The following SLC6A11 variants were observed in gnomAD, a reference collection of about 807,000 sequenced individuals.
The protein encoded by SLC6A11 is sodium- and chloride-dependent GABA transporter 3.
A neutral mutation model predicts 74.8 loss-of-function variants in SLC6A11; 25 were observed. That is an observed-to-expected ratio of 0.33 (90% CI 0.24 to 0.47). The LOEUF (loss-of-function observed/expected upper bound fraction) is 0.47. SLC6A11 is among the 20% of genes least tolerant of loss of function. The probability of loss-of-function intolerance (pLI) is 1.00; values close to 1 mark genes in which losing one functional copy is unlikely to be tolerated. For synonymous variants in SLC6A11, 330 were observed against 330.2 expected (o/e 1.00, Z 0.01); for missense variants, 574 against 837.0 (o/e 0.69, Z 3.88).
intron 5 of SLC6A11, among the ~76,000 whole-genome samples, chr3:10,871,892 A>G (rs1489088481): frequency 6.6e-6 from 1 of 152,220 alleles, no homozygotes; most frequent in Non-Finnish European, 1.5e-5. Flanking sequence ...GGAGGTTACC[A>G]TCATTGCAGA....
At chr3:10,845,717 T>A (rs1056581238) in intron 5 of SLC6A11, among the ~76,000 whole-genome samples, 1 of 152,214 alleles carries the variant, frequency 6.6e-6, no homozygotes, top group African/African-American at 2.4e-5. Context: ...GCCACACAGA[T>A]GCAGAGGGAC....
Position 10,918,504 on chromosome 3 carries a change from T to C in SLC6A11, c.1120+51T>C, listed in dbSNP as rs1394542058. 1 of 1,562,110 alleles carries C rather than the reference T, an allele frequency of 6.4e-7. No homozygotes were observed. The highest frequency in any genetic ancestry group is 2.0e-5 in the Admixed American group (1 of 49,424). ...AAAAGGCGGCAAGGGAGGCCAGGAG[T>C]GATGGTCATCATGGAAATGCGATCT... On this transcript the variant is annotated intron_variant, in intron 8 of 13. Transcript: ENST00000254488. The surrounding 1 kb of genome is among the most constrained non-coding windows in gnomAD (Gnocchi z 4.5).
chr3:10,925,468 A>T (rs1158158264), intron 8 of SLC6A11, among the ~76,000 whole-genome samples: 1 of 151,938 alleles, frequency 6.6e-6, no homozygotes, highest in Non-Finnish European at 1.5e-5. Context: ...CATCCCGAGG[A>T]CACGTTAACC....
chr3:10,849,611 AAT>A (rs1694546963), intron 5 of SLC6A11, among the ~76,000 whole-genome samples: 1 of 152,232 alleles, frequency 6.6e-6, no homozygotes, highest in East Asian at 1.9e-4. Context: ...TTGCCCTTAG[AAT>A]TTCCCATTTG....
At chr3:10,860,329 G>C (rs1033935210) in intron 5 of SLC6A11, among the ~76,000 whole-genome samples, 4 of 152,220 alleles carry the variant, frequency 2.6e-5, no homozygotes, top group Non-Finnish European at 5.9e-5. Context: ...CTACATTGCA[G>C]CTGCCATGTG....
intron 13 of SLC6A11, 95 bp downstream of exon 13, chr3:10,935,294 C>T (rs1036588230): frequency 8.7e-7 from 1 of 1,143,700 alleles, no homozygotes; most frequent in African/African-American, 1.5e-5. Context: ...ACGGCCTGCG[C>T]CCACCTGCCT....
chr3:10,839,402 G>C (rs1157012348), intron 4 of SLC6A11, among the ~76,000 whole-genome samples: 1 of 152,186 alleles, frequency 6.6e-6, no homozygotes, highest in Non-Finnish European at 1.5e-5. Context: ...AAGTCCTGCA[G>C]GCATTGCCCT....
At chr3:10,878,229 A>G (rs1235509338) in intron 6 of SLC6A11, among the ~76,000 whole-genome samples, 2 of 151,880 alleles carry the variant, frequency 1.3e-5, no homozygotes, top group African/African-American at 2.4e-5. Context: ...TGCGTCCCCT[A>G]CTACTCTCCC....
chr3:10,828,320 C>A (rs1383635183), intron 4 of SLC6A11, among the ~76,000 whole-genome samples: 1 of 152,204 alleles, frequency 6.6e-6, no homozygotes, highest in African/African-American at 2.4e-5. Flanking sequence ...CCAAATTAAG[C>A]TCTAAGGGTA....
chr3:10,860,462 G>A (rs1276944283), intron 5 of SLC6A11, among the ~76,000 whole-genome samples: 1 of 152,226 alleles, frequency 6.6e-6, no homozygotes, highest in African/African-American at 2.4e-5. Flanking sequence ...AGAGAGAAGA[G>A]CACAAGAGTG....
At chr3:10,923,529 A>G (rs57350546) in intron 8 of SLC6A11, among the ~76,000 whole-genome samples, 8,763 of 152,258 alleles carry the variant, frequency 0.058, 541 homozygotes, top group East Asian at 0.16. Context: ...ATAATTGAAT[A>G]AATAAATGGT....
intron 5 of SLC6A11, among the ~76,000 whole-genome samples, chr3:10,871,954 G>A (rs1694832681): frequency 6.6e-6 from 1 of 152,166 alleles, no homozygotes; most frequent in African/African-American, 2.4e-5. Flanking sequence ...TATGTCCACA[G>A]GACCCACTAT....
intron 8 of SLC6A11, among the ~76,000 whole-genome samples, chr3:10,925,638 G>A (rs1225413899): frequency 6.6e-6 from 1 of 152,108 alleles, no homozygotes; most frequent in Non-Finnish European, 1.5e-5. Flanking sequence ...CCTCCCCCTG[G>A]GCAGACAGAG....
chr3:10,929,234 G>A lies in SLC6A11; in HGVS notation c.1266G>A (p.Val422=), dbSNP rs758891466. 6 of 1,613,988 alleles carry A rather than the reference G, an allele frequency of 3.7e-6. No individual in the cohort carries two copies. The highest frequency in any genetic ancestry group is 5.1e-6 in the Non-Finnish European group (6 of 1,179,992). The part of the protein sequence containing the change: ...FVCVESLVTA[V]VDMYPKVFRR... ...GTGTGGAAAGCCTGGTGACCGCCGT[G>A]GTGGACATGTACCCCAAGGTTTTCC... The change falls in exon 10 of 14, where the codon GTG becomes GTA. Residue 422 remains valine, a synonymous_variant. Transcript: ENST00000254488.
At chr3:10,882,521 C>T (rs1335781901) in intron 6 of SLC6A11, among the ~76,000 whole-genome samples, 1 of 152,182 alleles carries the variant, frequency 6.6e-6, no homozygotes, top group African/African-American at 2.4e-5. Flanking sequence ...TTATCTGTTA[C>T]TTGCCCTGTT....
At chr3:10,884,113 C>T (rs1165654377) in intron 6 of SLC6A11, among the ~76,000 whole-genome samples, 1 of 152,168 alleles carries the variant, frequency 6.6e-6, no homozygotes, top group Non-Finnish European at 1.5e-5. Context: ...GTAAATTCCT[C>T]TGTAATTAGA....
At chr3:10,888,593 C>T (rs1203935072) in intron 6 of SLC6A11, among the ~76,000 whole-genome samples, 1 of 152,220 alleles carries the variant, frequency 6.6e-6, no homozygotes, top group Non-Finnish European at 1.5e-5. Context: ...ATTCAAGGTG[C>T]ACGTACTGTG....
intron 10 of SLC6A11, among the ~76,000 whole-genome samples, chr3:10,932,272 T>C (rs1411176431): frequency 6.6e-6 from 1 of 152,180 alleles, no homozygotes; most frequent in Non-Finnish European, 1.5e-5. Context: ...AGAGCTGGTC[T>C]GTGGTCATTT....
At chr3:10,905,504 G>A (rs568185016) in intron 6 of SLC6A11, among the ~76,000 whole-genome samples, 3 of 152,368 alleles carry the variant, frequency 2.0e-5, no homozygotes, top group African/African-American at 7.2e-5. Flanking sequence ...CTTTGTGTGG[G>A]TGAGAAATAA....
Sources: gnomAD v4.1 joint callset for allele counts (sites outside exome capture counted in the v4.1 genomes callset) on GRCh38, gnomAD v4.1.1 for gene constraint, Gnocchi (gnomAD v3.1) non-coding constraint, MANE v1.5 for transcripts, NCBI Gene and HGNC (gene_info 2026-07-23, HGNC 2026-07-21) for gene names.